Variants in LRRC8E observed in about 807,000 individuals in gnomAD.
The protein encoded by LRRC8E is volume-regulated anion channel subunit LRRC8E.
In LRRC8E, 6 loss-of-function variants were observed where a neutral mutation model predicts 6.1. The ratio of observed to expected loss-of-function variants is 0.98; its 90% CI spans 0.54 to 1.93. The LOEUF (loss-of-function observed/expected upper bound fraction) is 1.93, where lower values mean the gene tolerates loss of function less well. Ranked by LOEUF, LRRC8E falls within the 30% of genes most tolerant of loss-of-function variation. The probability of loss-of-function intolerance (pLI) is 0.01; values close to 1 mark genes in which losing one functional copy is unlikely to be tolerated. For synonymous variants in LRRC8E, 485 were observed against 472.8 expected (o/e 1.03, Z -0.33); for missense variants, 1,028 against 1,031.4 (o/e 1.00, Z 0.04).
Position 7,900,429 on chromosome 19 carries a change from G to C in LRRC8E, c.1907G>C (p.Arg636Thr). Reference sequence around the variant, plus strand: ...CACTGCCGGAAGCTGGTCACGCTCAGGCTGTGGCACAACCAGATCGCCTAC... The same window carrying C: ...CACTGCCGGAAGCTGGTCACGCTCACGCTGTGGCACAACCAGATCGCCTAC... ...FQHCRKLVTL[R>T]LWHNQIAYVP... The change falls in exon 3 of 3, where the codon AGG (arginine) becomes ACG (threonine). Residue 636 changes from arginine to threonine, a missense_variant. Physicochemically the swap from Arg to Thr is moderately conservative, Grantham distance 71. Coordinates refer to ENST00000306708, the MANE Select transcript of LRRC8E (RefSeq NM_025061.6). The surrounding 1 kb of genome is among the most constrained non-coding windows in gnomAD (Gnocchi z 5.0). The C allele has an allele frequency of 6.2e-7, 1 of 1,612,984 alleles. No individual in the cohort carries two copies.
At chr19:7,898,165 C>T (rs1194880992) in intron 2 of LRRC8E, among the ~76,000 whole-genome samples, 6 of 148,572 alleles carry the variant, frequency 4.0e-5, no homozygotes, top group African/African-American at 1.5e-4. Context: ...GCCAAGATTG[C>T]ACCACTGCAC....
rs36038711 is a variant in LRRC8E, at chr19:7,899,819, G to A, written c.1297G>A (p.Val433Ile). 3.0e-3 allele frequency: 4,881 copies of A among 1,607,008 alleles called. 123 individuals carry two copies. In the African/African-American group the frequency reaches 0.055, roughly 18 times the overall value. Residue 433 changes from valine to isoleucine, a missense_variant, in exon 3 of 3, where the codon GTC (valine) becomes ATC (isoleucine). Val to Ile is a conservative substitution (Grantham distance 29). Coordinates refer to ENST00000306708, the MANE Select transcript of LRRC8E (RefSeq NM_025061.6). ...LCMLPGLPDT[V>I]FELSEVESLR... ...CATGCTGCCGGGTCTGCCCGACACC[G>A]TCTTTGAGCTCAGTGAGGTGGAGTC...
Position 7,899,123 on chromosome 19 carries a change from G to T in LRRC8E, c.601G>T (p.Gly201Cys). ...GACCGGGCCGGGGAAGGCAGGGGAG[G>T]GTGAGAAGGAGAAAGTGCTGGCGGA... Reference protein sequence around the residue: ...AGTGPGKAGEGEKEKVLAEPE... With the variant: ...AGTGPGKAGECEKEKVLAEPE... Residue 201 changes from glycine (G) to cysteine (C), a missense_variant, in exon 3 of 3, where the codon GGT becomes TGT. Coordinates refer to ENST00000306708, the MANE Select transcript of LRRC8E (RefSeq NM_025061.6). 6.2e-7 allele frequency: 1 copy of T among 1,613,432 alleles called. No homozygotes were observed. The highest frequency in any genetic ancestry group is 8.5e-7 in the Non-Finnish European group (1 of 1,179,544).
At position 7,895,739 on chromosome 19, in the gene LRRC8E, C is replaced by G. The variant is rs1335362494; in HGVS notation, c.136C>G (p.Gln46Glu). 1 of 1,612,472 alleles carries G rather than the reference C, an allele frequency of 6.2e-7. No individual in the cohort carries two copies. The highest frequency in any genetic ancestry group is 1.3e-5 in the African/African-American group (1 of 74,976). The change falls in exon 2 of 3, where the codon CAG becomes GAG. Residue 46 changes from glutamine to glutamate, a missense_variant and splice_region_variant. Coordinates refer to ENST00000306708, the MANE Select transcript of LRRC8E (RefSeq NM_025061.6). This position sits in a 1 kb window ranked among gnomAD's most constrained non-coding sequence, Gnocchi z 4.7. ...LMIGVFGCTL[Q>E]VTQDKIICLP... The stretch of plus-strand genomic sequence containing the variant: ...GATTGGGGTCTTTGGCTGCACCCTC[C>G]AGGTGAGGCCCTCCCCTGGCAAGGG...
In LRRC8E at chr19:7,895,640, C is replaced by T. The variant is rs1981543994; in HGVS notation, c.37C>T (p.Gln13Ter). The T allele has an allele frequency of 3.1e-6, 5 of 1,613,986 alleles. No individual in the cohort carries two copies. Among genetic ancestry groups the T allele is most frequent in the South Asian group, 1.1e-5 (1 of 91,092 alleles). The change falls in exon 2 of 3, where the codon CAG becomes TAG. Residue 13 changes from glutamine to a stop codon, truncating the protein, a stop_gained. Transcript: ENST00000306708. LOFTEE classifies it high-confidence loss of function. The surrounding 1 kb of genome is among the most constrained non-coding windows in gnomAD (Gnocchi z 4.7). ...GGCCGAGTTCAAGCAGTTCACGGAA[C>T]AGCAGCCTGCGTTCAAGGTGCTCAA... ...PVAEFKQFTE[Q>*]QPAFKVLKPW...
intron 1 of LRRC8E, among the ~76,000 whole-genome samples, chr19:7,892,798 G>A (rs1362442537): frequency 1.3e-5 from 2 of 152,074 alleles, no homozygotes; most frequent in African/African-American, 4.8e-5. Flanking sequence ...AGGCAGACTG[G>A]GATATTTGTA....
chr19:7,890,616 C>T (rs939031105), intron 1 of LRRC8E, among the ~76,000 whole-genome samples: 4 of 152,004 alleles, frequency 2.6e-5, no homozygotes, highest in Non-Finnish European at 4.4e-5. Flanking sequence ...AGTGAAACCC[C>T]GTCTCTACTA....
Position 7,895,578 on chromosome 19 carries a change from C to T in LRRC8E, c.-5-21C>T. The T allele has an allele frequency of 6.2e-7, 1 of 1,606,302 alleles. No individual in the cohort carries two copies. Among genetic ancestry groups the T allele is most frequent in the Non-Finnish European group, 8.5e-7 (1 of 1,173,460 alleles). ...TCCTGAGGGTCTCTCTCTACACCCC[C>T]CGTCTCGTCCCGTCCCACAGGCAGC... is the stretch of plus-strand genomic sequence containing the variant. On this transcript the variant is annotated intron_variant, in intron 1 of 2. Coordinates refer to ENST00000306708, the MANE Select transcript of LRRC8E (RefSeq NM_025061.6). This position sits in a 1 kb window ranked among gnomAD's most constrained non-coding sequence, Gnocchi z 4.7.
rs1018430792 is a variant in LRRC8E at position 7,895,596 on chromosome 19, C to A, written c.-5-3C>A. 5.0e-6 allele frequency: 8 copies of A among 1,611,492 alleles called. No homozygotes were observed. In the African/African-American group the frequency reaches 1.1e-4, roughly 22 times the overall value. On this transcript the variant is annotated splice_region_variant and splice_polypyrimidine_tract_variant and intron_variant, in intron 1 of 2. Transcript: ENST00000306708. The surrounding 1 kb of genome is among the most constrained non-coding windows in gnomAD (Gnocchi z 4.7). Reference sequence around the variant, plus strand: ...ACACCCCCCGTCTCGTCCCGTCCCACAGGCAGCATGATCCCAGTGGCCGAG... The same window carrying A: ...ACACCCCCCGTCTCGTCCCGTCCCAAAGGCAGCATGATCCCAGTGGCCGAG...
intron 1 of LRRC8E, among the ~76,000 whole-genome samples, chr19:7,890,754 A>C (rs1487802756): frequency 2.6e-5 from 4 of 151,076 alleles, no homozygotes; most frequent in African/African-American, 9.7e-5. Flanking sequence ...ACACCACTGC[A>C]CTCCAGCCTG....
At chr19:7,894,770 G>C (rs1337598823) in intron 1 of LRRC8E, among the ~76,000 whole-genome samples, 1 of 152,232 alleles carries the variant, frequency 6.6e-6, no homozygotes, top group Admixed American at 6.5e-5. Flanking sequence ...GAGACCCTGG[G>C]AACAGACAGA....
In LRRC8E at chr19:7,900,266, G is replaced by A; in HGVS notation, c.1744G>A (p.Ala582Thr). Residue 582 changes from alanine to threonine, a missense_variant, in exon 3 of 3, where the codon GCG becomes ACG. Transcript: ENST00000306708. This position sits in a 1 kb window ranked among gnomAD's most constrained non-coding sequence, Gnocchi z 5.0. ...TGCCCTGAACAGCCTCAAGAAGCTG[G>A]CGGCATTGCGGGAGCTGGAGCTGGT... ...LVALNSLKKL[A>T]ALRELELVAC... The A allele has an allele frequency of 6.2e-7, 1 of 1,613,422 alleles. No homozygotes were observed. Among genetic ancestry groups the A allele is most frequent in the Non-Finnish European group, 8.5e-7 (1 of 1,180,028 alleles).
chr19:7,899,104 G>C lies in LRRC8E; in HGVS notation c.582G>C (p.Gly194=). The C allele has an allele frequency of 5.6e-6, 9 of 1,613,048 alleles. No homozygotes were observed. The highest frequency in any genetic ancestry group is 7.6e-6 in the Non-Finnish European group (9 of 1,179,364). The change falls in exon 3 of 3, where the codon GGG becomes GGC. Residue 194 remains glycine, a synonymous_variant. Transcript: ENST00000306708. ...AATIVAMAGT[G]PGKAGEGEKE... ...CCATAGTGGCCATGGCAGGGACCGG[G>C]CCGGGGAAGGCAGGGGAGGGTGAGA...
rs1486175607 is a variant in LRRC8E, at chr19:7,898,282, ACAGT to A, written c.139-375_139-372del. Among the ~76,000 whole-genome samples, 5 of 151,202 alleles carry A rather than the reference ACAGT, an allele frequency of 3.3e-5. No homozygotes were observed. In the South Asian group the frequency reaches 8.4e-4, roughly 25 times the overall value. On this transcript the variant is annotated intron_variant, in intron 2 of 2. Transcript: ENST00000306708. ...CTTCCAAAATCACAGCTGGCTGGCA[ACAGT>A]CAGAGATGGGGGGTGCGGGGGGTCT... is the stretch of plus-strand genomic sequence containing the variant.
intron 2 of LRRC8E, 151 bp from the exon 3 acceptor site, chr19:7,898,510 C>A (rs1376294225): frequency 2.9e-6 from 2 of 684,972 alleles, no homozygotes. Context: ...CAGGTGCCCA[C>A]CACCATGCCC....
intron 1 of LRRC8E, among the ~76,000 whole-genome samples, chr19:7,890,050 CTA>C (rs1230585851): frequency 4.7e-5 from 7 of 147,678 alleles, no homozygotes; most frequent in Admixed American, 4.1e-4. Context: ...CGTCAGGACT[CTA>C]TGTCTAAAAA....
chr19:7,897,547 A>C (rs11666565), intron 2 of LRRC8E, among the ~76,000 whole-genome samples: 32,123 of 143,004 alleles, frequency 0.22, 3,975 homozygotes, highest in Non-Finnish European at 0.27. Flanking sequence ...GCGCAATAAT[A>C]GCTCACTGTA....
At position 7,901,019 on chromosome 19, in the gene LRRC8E, T is replaced by C. The variant is rs1325284750; in HGVS notation, c.*106T>C. Reference sequence around the variant, plus strand: ...AGCCAAGTGGGTCCAGGCCAGGAGATGGGGGGGGCGGGGGCAGCTGTGTCA... The same window carrying C: ...AGCCAAGTGGGTCCAGGCCAGGAGACGGGGGGGGCGGGGGCAGCTGTGTCA... On this transcript the variant is annotated 3_prime_UTR_variant, in exon 3 of 3. Coordinates refer to ENST00000306708, the MANE Select transcript of LRRC8E (RefSeq NM_025061.6). 2.8e-6 allele frequency: 1 copy of C among 352,142 alleles called. No homozygotes were observed. The highest frequency in any genetic ancestry group is 5.3e-6 in the Non-Finnish European group (1 of 187,522). 21.8% of individuals were successfully genotyped at this position (352,142 alleles called of 1,614,324 possible).
Position 7,895,758 on chromosome 19 carries a change from G to A in LRRC8E, c.138+17G>A, listed in dbSNP as rs768814576. ...ACCCTCCAGGTGAGGCCCTCCCCTGGCAAGGGGGTGTGACCAGAGGGGCGG... is the reference window on the plus strand; with the variant it reads ...ACCCTCCAGGTGAGGCCCTCCCCTGACAAGGGGGTGTGACCAGAGGGGCGG... On this transcript the variant is annotated intron_variant, in intron 2 of 2. Coordinates refer to ENST00000306708, the MANE Select transcript of LRRC8E (RefSeq NM_025061.6). The surrounding 1 kb of genome is among the most constrained non-coding windows in gnomAD (Gnocchi z 4.7). 7 of 1,609,644 alleles carry A rather than the reference G, an allele frequency of 4.3e-6. No homozygotes were observed. Among genetic ancestry groups the A allele is most frequent in the Non-Finnish European group, 5.9e-6 (7 of 1,176,512 alleles).
Sources: gnomAD v4.1 joint callset for allele counts (sites outside exome capture counted in the v4.1 genomes callset) on GRCh38, gnomAD v4.1.1 for gene constraint, Gnocchi (gnomAD v3.1) non-coding constraint, MANE v1.5 for transcripts, NCBI Gene and HGNC (gene_info 2026-07-23, HGNC 2026-07-21) for gene names.